Variants in PPIP5K1 observed in about 807,000 individuals in gnomAD.
PPIP5K1 encodes the protein diphosphoinositol pentakisphosphate kinase 1, also known as inositol hexakisphosphate and diphosphoinositol-pentakisphosphate kinase 1.
In PPIP5K1, 6 loss-of-function variants were observed where a neutral mutation model predicts 27.7. The observed-to-expected ratio is 0.22, with a 90% CI of 0.12 to 0.43. PPIP5K1 has a LOEUF of 0.43. PPIP5K1 is among the 20% of genes least tolerant of loss of function. PPIP5K1 has a pLI of 1.00. For synonymous variants in PPIP5K1, 145 were observed against 242.6 expected, an observed-to-expected ratio of 0.60 and a Z score of 3.74; for missense variants, 394 against 635.4, an observed-to-expected ratio of 0.62 and a Z score of 4.08.
intron 30 of PPIP5K1, chr15:43,548,389 G>A (rs931641841): frequency 1.3e-5 from 2 of 151,408 alleles, no homozygotes; most frequent in African/African-American, 4.9e-5. Flanking sequence ...TTACAGGCAT[G>A]AGCCACCACA....
rs2140250023 is a variant in PPIP5K1, at chr15:43,534,697, C to T, written c.4450G>A (p.Glu1484Lys). ...FPEEIDLQAQ[E>K]VPEEIN ...TTCTAATTTATCTCCTCAGGGACCT[C>T]CTGGGCCTGCAGATCAATCTCCTCA... Residue 1484 changes from glutamate to lysine, a missense_variant, in exon 32 of 32, where the codon GAG becomes AAG. Around this residue, in one of 4 missense-constraint regions of PPIP5K1, gnomAD observed 379 missense variants for 423.9 expected, o/e 0.89. Transcript: ENST00000420765. 6.5e-7 allele frequency: 1 copy of T among 1,527,252 alleles called. No individual in the cohort carries two copies. The highest frequency in any genetic ancestry group is 8.8e-7 in the Non-Finnish European group (1 of 1,141,436). The allele number at this position is 1,527,252 out of a possible 1,614,324, so 94.6% of individuals were successfully genotyped here.
At chr15:43,580,676 C>T (rs1476972644) in intron 10 of PPIP5K1, among the ~76,000 whole-genome samples, 1 of 97,286 alleles carries the variant, frequency 1.0e-5, no homozygotes. Context: ...CTCACTGCAA[C>T]CTTCACCTCC....
In PPIP5K1 at chr15:43,558,473, G is replaced by C. The variant is rs185016030; in HGVS notation, c.3556+322C>G. On this transcript the variant is annotated intron_variant, in intron 30 of 31. Transcript: ENST00000420765. ...CATCACTTGACCTCGTGATCCACCC[G>C]CCTAGCCCTCCCAAAGTGCTGGGAT... is the stretch of plus-strand genomic sequence containing the variant. Among the ~76,000 whole-genome samples, 98 of 152,158 alleles carry C rather than the reference G, an allele frequency of 6.4e-4. 1 individual carries two copies. Among genetic ancestry groups the C allele is most frequent in the Middle Eastern group, 3.4e-3 (1 of 294 alleles).
chr15:43,535,205 T>C lies in PPIP5K1; in HGVS notation c.3942A>G (p.Pro1314=), dbSNP rs767118344. ...GGCTGATGTCAGGGACCTCCTGACA[T>C]GGCTGGCTGACCTCCTCGTATGGCT... ...TSQPYEEVSQ[P]CQEVPDISQP... Residue 1314 remains proline (P), a synonymous_variant, in exon 32 of 32, where the codon CCA becomes CCG. Transcript: ENST00000420765. 3 of 1,614,152 alleles carry C rather than the reference T, an allele frequency of 1.9e-6. No individual in the cohort carries two copies. Among genetic ancestry groups the C allele is most frequent in the East Asian group, 2.2e-5 (1 of 44,884 alleles).
rs1281408280 is a variant in PPIP5K1 at position 43,533,698 on chromosome 15, A to G, written c.*976T>C. The G allele has an allele frequency of 6.8e-6, 1 of 146,130 alleles. No homozygotes were observed. 9.1% of individuals were successfully genotyped at this position (146,130 alleles called of 1,614,324 possible). A position where few individuals can be genotyped will look rare whatever the true frequency, so the allele number is the denominator to read the frequency against. ...GTCCCTGGCACAACTACAGAAATAAATATATATATATATATTTATTAAACC... is the reference window on the plus strand; with the variant it reads ...GTCCCTGGCACAACTACAGAAATAAGTATATATATATATATTTATTAAACC... On this transcript the variant is annotated 3_prime_UTR_variant, in exon 32 of 32. Transcript: ENST00000420765.
In PPIP5K1 at chr15:43,540,636, G is replaced by T. The variant is rs1016711762; in HGVS notation, c.3557-1053C>A. On this transcript the variant is annotated intron_variant, in intron 30 of 31. Coordinates refer to ENST00000420765, the MANE Select transcript of PPIP5K1 (RefSeq NM_001394395.1). ...TGCTTGAACCCAGGAAACAGAGGTTGCAGTGAGCCGAGATCGCATCATTGC... is the reference window on the plus strand; with the variant it reads ...TGCTTGAACCCAGGAAACAGAGGTTTCAGTGAGCCGAGATCGCATCATTGC... Among the ~76,000 whole-genome samples, 5 of 151,664 alleles carry T rather than the reference G, an allele frequency of 3.3e-5. No homozygotes were observed. The East Asian group carries it at 7.8e-4, about 24-fold the overall frequency.
chr15:43,549,779 T>G (rs1399644149), intron 30 of PPIP5K1, among the ~76,000 whole-genome samples: 3 of 152,212 alleles, frequency 2.0e-5, no homozygotes, highest in Admixed American at 1.3e-4. Flanking sequence ...GAGACCAGCC[T>G]GGGCAACATG....
rs1405606914 is a variant in PPIP5K1 at position 43,579,000 on chromosome 15, A to G, written c.1163+19T>C. On this transcript the variant is annotated intron_variant, in intron 11 of 31. Coordinates refer to ENST00000420765, the MANE Select transcript of PPIP5K1 (RefSeq NM_001394395.1). ...ATGGGTCTTAAGTAGGTTACTCCAG[A>G]TTTTTTGCTTTTGCTTACATAGTGC... 2.0e-5 allele frequency: 2 copies of G among 98,680 alleles called. No individual in the cohort carries two copies. The highest frequency in any genetic ancestry group is 3.3e-5 in the Non-Finnish European group (2 of 61,298). The allele number at this position is 98,680 out of a possible 1,614,324, so 6.1% of individuals were successfully genotyped here. A position where few individuals can be genotyped will look rare whatever the true frequency, so the allele number is the denominator to read the frequency against.
Position 43,535,477 on chromosome 15 carries a change from C to T in PPIP5K1, c.3671-1G>A. The T allele has an allele frequency of 6.4e-7, 1 of 1,556,056 alleles. No individual in the cohort carries two copies. Among genetic ancestry groups the T allele is most frequent in the Non-Finnish European group, 8.7e-7 (1 of 1,154,992 alleles). ...ACAGTGCTAGAAGGGCCACTGCTGT[C>T]TGTAAAGCAAAGTCAAGAGATCAAG... is the stretch of plus-strand genomic sequence containing the variant. On this transcript the variant is annotated splice_acceptor_variant, in intron 31 of 31. Transcript: ENST00000420765. LOFTEE classifies it high-confidence loss of function.
intron 30 of PPIP5K1, chr15:43,548,743 G>C (rs1294623148): frequency 6.8e-6 from 1 of 147,796 alleles, no homozygotes; most frequent in Non-Finnish European, 1.5e-5. Context: ...ATTATTTGTA[G>C]ACCCCGGGTG....
chr15:43,553,939 C>T (rs2082587047), intron 30 of PPIP5K1, among the ~76,000 whole-genome samples: 1 of 152,194 alleles, frequency 6.6e-6, no homozygotes, highest in African/African-American at 2.4e-5. Flanking sequence ...GCCACCTCGC[C>T]TGGCCACTTC....
At position 43,535,479 on chromosome 15, in the gene PPIP5K1, G is replaced by A; in HGVS notation, c.3671-3C>T. ...AGTGCTAGAAGGGCCACTGCTGTCT[G>A]TAAAGCAAAGTCAAGAGATCAAGTT... On this transcript the variant is annotated splice_polypyrimidine_tract_variant and splice_region_variant and intron_variant, in intron 31 of 31. Coordinates refer to ENST00000420765, the MANE Select transcript of PPIP5K1 (RefSeq NM_001394395.1). 2 of 1,552,252 alleles carry A rather than the reference G, an allele frequency of 1.3e-6. No homozygotes were observed. Among genetic ancestry groups the A allele is most frequent in the South Asian group, 1.3e-5 (1 of 79,726 alleles).
intron 30 of PPIP5K1, among the ~76,000 whole-genome samples, chr15:43,556,049 G>A (rs1415801500): frequency 6.6e-6 from 1 of 152,148 alleles, no homozygotes; most frequent in African/African-American, 2.4e-5. Flanking sequence ...GCCGGGCGCA[G>A]TGACTCATGC....
At chr15:43,565,845 C>T (rs1157057532) in intron 26 of PPIP5K1, among the ~76,000 whole-genome samples, 62 of 29,768 alleles carry the variant, frequency 2.1e-3, no homozygotes, top group Non-Finnish European at 3.3e-3. Flanking sequence ...CCACAGCCCC[C>T]TGCCTCATTG....
chr15:43,534,946 C>G lies in PPIP5K1; in HGVS notation c.4201G>C (p.Val1401Leu), dbSNP rs925990827. 3.1e-6 allele frequency: 5 copies of G among 1,614,084 alleles called. No homozygotes were observed. In the African/African-American group the frequency reaches 5.3e-5, roughly 17 times the overall value. Residue 1401 changes from valine (V) to leucine (L), a missense_variant, in exon 32 of 32, where the codon GTG (valine) becomes CTG (leucine). Around this residue, in one of 4 missense-constraint regions of PPIP5K1, gnomAD observed 379 missense variants for 423.9 expected, o/e 0.89. Coordinates refer to ENST00000420765, the MANE Select transcript of PPIP5K1 (RefSeq NM_001394395.1). ...TTATGGACCAGCTTGCCAACCTCCA[C>G]AGAGACCCCCTGGCATGGCTGGCTG... is the stretch of plus-strand genomic sequence containing the variant. ...EVSQPCQGVS[V>L]EVGKLVHKFH...
chr15:43,558,605 C>T (rs760780210), intron 30 of PPIP5K1, among the ~76,000 whole-genome samples, 190 bp downstream of exon 30: 5 of 152,136 alleles, frequency 3.3e-5, no homozygotes. Context: ...GATCCACCTG[C>T]CTCGGCCTCC....
rs566629688 is a variant in PPIP5K1, at chr15:43,559,964, G to A, written c.3418+449C>T. Among the ~76,000 whole-genome samples, 34 of 151,908 alleles carry A rather than the reference G, an allele frequency of 2.2e-4. No homozygotes were observed. The South Asian group carries it at 6.1e-3, about 27-fold the overall frequency. ...AAAGGATTATAGCCTGACCATCTTC[G>A]AAGCTCTGGACTTTGCCCCAAGGAT... On this transcript the variant is annotated intron_variant, in intron 29 of 31. Coordinates refer to ENST00000420765, the MANE Select transcript of PPIP5K1 (RefSeq NM_001394395.1).
At chr15:43,560,964 C>CT (rs200455895) in intron 28 of PPIP5K1, among the ~76,000 whole-genome samples, 30,296 of 147,886 alleles carry the variant, frequency 0.2, 421 homozygotes, top group African/African-American at 0.43. Flanking sequence ...CAGGATCCCT[C>CT]ATCATTGGAT....
At chr15:43,542,196 G>T (rs1168459032) in intron 30 of PPIP5K1, among the ~76,000 whole-genome samples, 1 of 151,790 alleles carries the variant, frequency 6.6e-6, no homozygotes, top group East Asian at 1.9e-4. Flanking sequence ...TGAAAAGGCA[G>T]AATGTTTATT....
Sources: gnomAD v4.1 joint callset for allele counts (sites outside exome capture counted in the v4.1 genomes callset) on GRCh38, gnomAD v4.1.1 for gene constraint, gnomAD v4.1.1 regional missense constraint, MANE v1.5 for transcripts, NCBI Gene and HGNC (gene_info 2026-07-23, HGNC 2026-07-21) for gene names.